The following FMN2 variants were observed in gnomAD, a reference collection of about 807,000 sequenced individuals.
The protein encoded by FMN2 is formin-2.
Under a neutral mutation model 142.3 loss-of-function variants are expected in FMN2, and 51 were observed. That is an observed-to-expected ratio of 0.36 (90% confidence interval 0.29 to 0.45). FMN2 has a LOEUF of 0.45. Among genes scored for constraint, FMN2 ranks in the 20% least tolerant of loss-of-function variants. The probability of loss-of-function intolerance (pLI) is 1.00; values close to 1 mark genes in which losing one functional copy is unlikely to be tolerated. For missense variants in FMN2, 1,936 were observed against 2,122.8 expected (o/e 0.91, Z 1.73); for synonymous variants, 882 against 869.8 (o/e 1.01, Z -0.25).
chr1:240,237,682 A>G (rs1217916103), intron 6 of FMN2, among the ~76,000 whole-genome samples: 1 of 138,698 alleles, frequency 7.2e-6, no homozygotes, highest in Non-Finnish European at 1.5e-5. Context: ...AATTCACTCC[A>G]TTACTGTTTA....
rs771044458 is a variant in FMN2, at chr1:240,333,927, A to G, written c.4625A>G (p.Tyr1542Cys). The G allele has an allele frequency of 5.6e-6, 9 of 1,610,324 alleles. No homozygotes were observed. The highest frequency in any genetic ancestry group is 3.3e-5 in the Admixed American group (2 of 59,716). The change falls in exon 12 of 18, where the codon TAT (tyrosine) becomes TGT (cysteine). Residue 1542 changes from tyrosine (Y) to cysteine (C), a missense_variant. Physicochemically the swap from Tyr to Cys is radical, Grantham distance 194. Transcript: ENST00000319653. ...RSLLSYIVSY[Y>C]LRNFDEDAGK... ...CTTTTGTCATATATTGTTTCGTATTATCTCCGAAATTTTGATGAGGTAAGA... is the reference window on the plus strand; with the variant it reads ...CTTTTGTCATATATTGTTTCGTATTGTCTCCGAAATTTTGATGAGGTAAGA...
intron 15 of FMN2, among the ~76,000 whole-genome samples, chr1:240,396,588 G>A (rs1404936005): frequency 6.6e-6 from 1 of 152,072 alleles, no homozygotes; most frequent in Non-Finnish European, 1.5e-5. Flanking sequence ...CTCAGTGGGT[G>A]GTTTTTGAGC....
At chr1:240,245,198 G>C in intron 6 of FMN2, 1 of 275,430 alleles carries the variant, frequency 3.6e-6, no homozygotes, top group East Asian at 1.0e-4. Context: ...AATAGTCAGA[G>C]TTTGTCATTT....
chr1:240,213,430 G>C (rs1242506531), intron 6 of FMN2, among the ~76,000 whole-genome samples: 1 of 152,186 alleles, frequency 6.6e-6, no homozygotes, highest in Non-Finnish European at 1.5e-5. Flanking sequence ...ATGTATGTTA[G>C]AGAAAAATCA....
intron 3 of FMN2, among the ~76,000 whole-genome samples, chr1:240,186,003 T>A (rs943573514): frequency 6.6e-6 from 1 of 152,210 alleles, no homozygotes; most frequent in African/African-American, 2.4e-5. Flanking sequence ...GAGAAAAGAA[T>A]CCATTTTTGA....
chr1:240,422,118 G>A (rs190194863), intron 15 of FMN2, among the ~76,000 whole-genome samples: 3 of 152,144 alleles, frequency 2.0e-5, no homozygotes, highest in Non-Finnish European at 4.4e-5. Flanking sequence ...CTGTCTGTCT[G>A]TTCTTTTGCC....
In FMN2 at chr1:240,093,266, C is replaced by T. The variant is rs754636927; in HGVS notation, c.1157C>T (p.Ala386Val). The change falls in exon 1 of 18, where the codon GCG becomes GTG. Residue 386 changes from alanine to valine, a missense_variant. Coordinates refer to ENST00000319653, the MANE Select transcript of FMN2 (RefSeq NM_020066.5). ...QRLGEEPEEE[A>V]QGPDAPAAAS... The stretch of plus-strand genomic sequence containing the variant: ...CTGGGGGAAGAGCCGGAGGAGGAGG[C>T]GCAAGGACCTGACGCCCCCGCGGCC... 9 of 1,595,340 alleles carry T rather than the reference C, an allele frequency of 5.6e-6. No homozygotes were observed. The African/African-American group carries it at 8.1e-5, about 14-fold the overall frequency.
At chr1:240,368,912 C>G (rs186494622) in intron 14 of FMN2, among the ~76,000 whole-genome samples, 2 of 150,722 alleles carry the variant, frequency 1.3e-5, no homozygotes, top group African/African-American at 4.9e-5. Context: ...TATATTGACA[C>G]AGTTCTTTTT....
At chr1:240,143,469 G>A in intron 2 of FMN2, 1 of 1,526,878 alleles carries the variant, frequency 6.5e-7, no homozygotes. Flanking sequence ...TTTCCTTTTT[G>A]TCCTTGTCCT....
chr1:240,155,000 C>A (rs146731806), intron 2 of FMN2, among the ~76,000 whole-genome samples: 67 of 151,812 alleles, frequency 4.4e-4, no homozygotes, highest in Non-Finnish European at 8.1e-4. Flanking sequence ...AATCCCCCCC[C>A]CGACCTTGAC....
At chr1:240,325,202 A>G (rs796354751) in intron 8 of FMN2, among the ~76,000 whole-genome samples, 26 of 152,160 alleles carry the variant, frequency 1.7e-4, no homozygotes, top group African/African-American at 6.3e-4. Context: ...TACAAAAAAA[A>G]CAAAACTTAG....
At chr1:240,119,477 C>T (rs1023698108) in intron 1 of FMN2, among the ~76,000 whole-genome samples, 1 of 152,150 alleles carries the variant, frequency 6.6e-6, no homozygotes, top group Non-Finnish European at 1.5e-5. Flanking sequence ...ATTTTTGCCC[C>T]CTGCCCCAGG....
In FMN2 at chr1:240,151,103, G is replaced by A. The variant is rs190393419; in HGVS notation, c.1783-26818G>A. ...AATTGTTATGTTGATTTAAGGGCAC[G>A]GTCTTTAGAAATGACTTGTTCAAAT... On this transcript the variant is annotated intron_variant, in intron 2 of 17. Coordinates refer to ENST00000319653, the MANE Select transcript of FMN2 (RefSeq NM_020066.5). Among the ~76,000 whole-genome samples, 209 of 152,258 alleles carry A rather than the reference G, an allele frequency of 1.4e-3. 1 individual carries two copies. Among genetic ancestry groups the A allele is most frequent in the South Asian group, 0.01 (50 of 4,826 alleles).
intron 2 of FMN2, among the ~76,000 whole-genome samples, chr1:240,148,057 G>A (rs1376661396): frequency 6.6e-5 from 10 of 152,204 alleles, no homozygotes; most frequent in Non-Finnish European, 1.3e-4. Flanking sequence ...GAGAGATGCT[G>A]TGCCAGAGCT....
chr1:240,273,803 A>G (rs1669101512), intron 7 of FMN2, among the ~76,000 whole-genome samples: 1 of 152,118 alleles, frequency 6.6e-6, no homozygotes, highest in Non-Finnish European at 1.5e-5. Context: ...TCTGTGATTC[A>G]GGTGACTCTC....
chr1:240,143,343 A>G, intron 2 of FMN2: 2 of 1,490,140 alleles, frequency 1.3e-6, no homozygotes, highest in Non-Finnish European at 9.3e-7. Flanking sequence ...CAGGCTCCCC[A>G]TATCTCAGCA....
intron 7 of FMN2, among the ~76,000 whole-genome samples, chr1:240,277,534 T>C (rs1572146789): frequency 1.7e-5 from 2 of 119,542 alleles, no homozygotes; most frequent in East Asian, 5.6e-4. Flanking sequence ...TCTTTTTTTT[T>C]TTTTTTTTTT....
In FMN2 at chr1:240,241,825, C is replaced by CTTTTT. The variant is rs71567282; in HGVS notation, c.4066-16095_4066-16091dup. 1.1e-3 allele frequency among the ~76,000 whole-genome samples: 110 copies of CTTTTT among 96,194 alleles called. 11 individuals carry two copies. Among genetic ancestry groups the CTTTTT allele is most frequent in the Non-Finnish European group, 1.4e-3 (63 of 46,624 alleles). 63.1% of individuals were successfully genotyped at this position (96,194 alleles called of 152,430 possible). On this transcript the variant is annotated intron_variant, in intron 6 of 17. Transcript: ENST00000319653. The stretch of plus-strand genomic sequence containing the variant: ...ATTTTCTTTATTTTAGTGTGCCTTG[C>CTTTTT]TTTTTTTTTTTTTTTTTTTTTTTTT...
chr1:240,413,156 AATAAAC>A (rs1166520199), intron 15 of FMN2, among the ~76,000 whole-genome samples: 5 of 149,498 alleles, frequency 3.3e-5, no homozygotes, highest in Admixed American at 6.7e-5. Flanking sequence ...AAAAGCAGCA[AATAAAC>A]ATAATAGAGA....
Sources: allele counts gnomAD v4.1 joint callset (sites outside exome capture counted in the v4.1 genomes callset), GRCh38; gene constraint gnomAD v4.1.1; transcripts MANE v1.5; gene names NCBI Gene and HGNC (gene_info 2026-07-23, HGNC 2026-07-21).